Variants in ETV7 observed in about 807,000 individuals in gnomAD.
ETV7 encodes transcription factor ETV7.
A neutral mutation model predicts 39.1 loss-of-function variants in ETV7; 43 were observed. The observed-to-expected ratio is 1.10, with a 90% CI of 0.86 to 1.42. The LOEUF is 1.42. ETV7 is among the 40% of genes most tolerant of loss of function. The pLI is 0.00. For synonymous variants in ETV7, 196 were observed against 176.6 expected, an observed-to-expected ratio of 1.11 and a Z score of -0.87; for missense variants, 432 against 442.3, an observed-to-expected ratio of 0.98 and a Z score of 0.21.
At chr6:36,380,499 G>T (rs1773598642) in intron 2 of ETV7, among the ~76,000 whole-genome samples, 1 of 152,206 alleles carries the variant, frequency 6.6e-6, no homozygotes, top group South Asian at 2.1e-4. Flanking sequence ...GCAGCAAGAG[G>T]AGCTGCCTGT....
intron 2 of ETV7, among the ~76,000 whole-genome samples, chr6:36,378,699 T>C (rs1012827552): frequency 2.6e-5 from 4 of 152,236 alleles, no homozygotes; most frequent in Admixed American, 2.0e-4. Context: ...TCTTTGGGAC[T>C]GATAATTTTT....
At chr6:36,376,669 G>C (rs567524288) in intron 2 of ETV7, among the ~76,000 whole-genome samples, 4 of 151,992 alleles carry the variant, frequency 2.6e-5, no homozygotes, top group East Asian at 3.9e-4. Flanking sequence ...CCAGCTGCTC[G>C]GGAGGCTGAA....
downstream of ETV7, among the ~76,000 whole-genome samples, chr6:36,365,931 G>A (rs1772695880): frequency 6.6e-6 from 1 of 152,204 alleles, no homozygotes. Context: ...AAGCACTTTG[G>A]GAAACTGAGG....
At chr6:36,359,493 G>A (rs1033177616) in intron 7 of ETV7, among the ~76,000 whole-genome samples, 3 of 151,890 alleles carry the variant, frequency 2.0e-5, no homozygotes, top group Admixed American at 6.6e-5. Context: ...AAGAAAGAAA[G>A]GGGACAGTCT....
chr6:36,363,561 G>C (rs931287475), downstream of ETV7, among the ~76,000 whole-genome samples: 1 of 152,360 alleles, frequency 6.6e-6, no homozygotes, highest in Non-Finnish European at 1.5e-5. Flanking sequence ...TAAAAGCAGC[G>C]TGGACCCAAA....
downstream of ETV7, among the ~76,000 whole-genome samples, chr6:36,365,898 G>A (rs750156652): frequency 6.6e-6 from 1 of 152,194 alleles, no homozygotes; most frequent in Non-Finnish European, 1.5e-5. Context: ...TCGGCTGGAC[G>A]CAGTGGCTCA....
intron 7 of ETV7, among the ~76,000 whole-genome samples, chr6:36,359,276 C>A (rs12211191): frequency 0.049 from 7,395 of 152,026 alleles, 212 homozygotes; most frequent in Middle Eastern, 0.085. Flanking sequence ...CATGGAGAAA[C>A]CCTGTCTCTA....
At chr6:36,379,360 T>C (rs546177524) in intron 2 of ETV7, among the ~76,000 whole-genome samples, 1 of 152,136 alleles carries the variant, frequency 6.6e-6, no homozygotes, top group East Asian at 1.9e-4. Flanking sequence ...CTGGACAACA[T>C]AGTTAGACCC....
At chr6:36,378,823 G>A (rs1255838296) in intron 2 of ETV7, among the ~76,000 whole-genome samples, 2 of 152,194 alleles carry the variant, frequency 1.3e-5, no homozygotes, top group East Asian at 3.8e-4. Context: ...ACGGCCAAAT[G>A]TCCCCGGGGG....
At chr6:36,363,174 A>C (rs1772569656), downstream of ETV7, among the ~76,000 whole-genome samples, 1 of 152,234 alleles carries the variant, frequency 6.6e-6, no homozygotes, top group Admixed American at 6.5e-5. Flanking sequence ...CACTGACTTC[A>C]AGAATGAAGC....
chr6:36,377,919 T>C (rs1446526602), intron 2 of ETV7, among the ~76,000 whole-genome samples: 1 of 152,214 alleles, frequency 6.6e-6, no homozygotes, highest in Non-Finnish European at 1.5e-5. Flanking sequence ...TTTCCTTTAC[T>C]TCTATTTTGG....
chr6:36,355,632 C>T (rs903755410), intron 7 of ETV7, among the ~76,000 whole-genome samples: 4 of 152,190 alleles, frequency 2.6e-5, no homozygotes, highest in African/African-American at 7.2e-5. Context: ...AGGCTGGTCT[C>T]GAACTCCTGG....
At chr6:36,356,600 G>A (rs548931817) in intron 7 of ETV7, among the ~76,000 whole-genome samples, 7 of 152,282 alleles carry the variant, frequency 4.6e-5, no homozygotes, top group African/African-American at 1.7e-4. Flanking sequence ...CCCAGGGAAG[G>A]ACCCTGATTG....
intron 7 of ETV7, among the ~76,000 whole-genome samples, chr6:36,355,709 A>G (rs573159358): frequency 6.6e-6 from 1 of 152,360 alleles, no homozygotes; most frequent in South Asian, 2.1e-4. Flanking sequence ...CACCGCACCC[A>G]GCCCATAAGC....
intron 7 of ETV7, among the ~76,000 whole-genome samples, chr6:36,360,500 G>A (rs372041242): frequency 1.3e-5 from 2 of 151,988 alleles, no homozygotes; most frequent in Admixed American, 1.3e-4. Context: ...GCCCCCTGGA[G>A]GTGTGAGTTC....
At chr6:36,358,280 A>G (rs1358885105) in intron 7 of ETV7, among the ~76,000 whole-genome samples, 1 of 152,200 alleles carries the variant, frequency 6.6e-6, no homozygotes, top group Non-Finnish European at 1.5e-5. Context: ...TCTTGCTCAA[A>G]ATAAAGATGT....
At chr6:36,358,713 T>G (rs1772401228) in intron 7 of ETV7, among the ~76,000 whole-genome samples, 1 of 152,208 alleles carries the variant, frequency 6.6e-6, no homozygotes, top group Admixed American at 6.5e-5. Flanking sequence ...CACAATCAGC[T>G]GTCCCCTGAG....
At chr6:36,363,696 AGTG>A (rs540986389), downstream of ETV7, among the ~76,000 whole-genome samples, 32 of 152,326 alleles carry the variant, frequency 2.1e-4, no homozygotes, top group Non-Finnish European at 3.7e-4. Flanking sequence ...GGTAGAGCCC[AGTG>A]GTCTGTTTTG....
chr6:36,367,861 CCATCG>C (rs1435923522), intron 6 of ETV7, among the ~76,000 whole-genome samples: 1 of 151,886 alleles, frequency 6.6e-6, no homozygotes, highest in Non-Finnish European at 1.5e-5. Context: ...AGGAGAACAC[CCATCG>C]CATAAGTCAA....
Sources: gnomAD v4.1 joint callset for allele counts (sites outside exome capture counted in the v4.1 genomes callset) on GRCh38, gnomAD v4.1.1 for gene constraint, MANE v1.5 for transcripts, NCBI Gene and HGNC (gene_info 2026-07-23, HGNC 2026-07-21) for gene names.